NBAS: variants seen among roughly 807,000 people sequenced by gnomAD.
NBAS encodes NAG/BC035112 fusion.
A neutral mutation model predicts 302.5 loss-of-function variants in NBAS; 219 were observed. The observed-to-expected ratio is 0.72, with a 90% CI of 0.65 to 0.81. The LOEUF is 0.81. Among genes scored for constraint, NBAS ranks in the 30% least tolerant of loss-of-function variants. The probability of loss-of-function intolerance (pLI) is 0.00; values close to 1 mark genes in which losing one functional copy is unlikely to be tolerated. For synonymous variants in NBAS, 1,118 were observed against 1,021.6 expected (o/e 1.09, Z -1.80); for missense variants, 2,932 against 2,841.6 (o/e 1.03, Z -0.72).
chr2:15,186,743 T>A lies in NBAS; in HGVS notation c.6710A>T (p.Glu2237Val). Residue 2237 changes from glutamate to valine, a missense_variant and splice_region_variant, in exon 50 of 52, where the codon GAG (glutamate) becomes GTG (valine). Transcript: ENST00000281513. ...LYNTKQMLPA[E>V]GVKELCLLLL... The stretch of plus-strand genomic sequence containing the variant: ...AAAGCACTCAAAATATCCACTCACC[T>A]CTGCAGGCAGCATCTGCTTGGTGTT... 6.2e-7 allele frequency: 1 copy of A among 1,613,804 alleles called. No homozygotes were observed. Among genetic ancestry groups the A allele is most frequent in the Non-Finnish European group, 8.5e-7 (1 of 1,179,922 alleles).
At chr2:14,977,947 G>A in the NBAS span, among the ~76,000 whole-genome samples, 1 of 152,036 alleles carries the variant, frequency 6.6e-6, no homozygotes, top group African/African-American at 2.4e-5. Context: ...TGGTGCAAAT[G>A]TTTTTATGTT....
chr2:15,144,048 A>ATATATATAT, the NBAS span, among the ~76,000 whole-genome samples: 19 of 113,808 alleles, frequency 1.7e-4, no homozygotes, highest in East Asian at 5.0e-3. Flanking sequence ...TATATATAAA[A>ATATATATAT]ATATATATAT....
the NBAS span, among the ~76,000 whole-genome samples, chr2:15,137,135 T>G: frequency 2.0e-5 from 3 of 152,164 alleles, no homozygotes; most frequent in African/African-American, 2.4e-5. Context: ...AAACAGAACC[T>G]CACCAGGTAT....
the NBAS span, among the ~76,000 whole-genome samples, chr2:14,822,506 T>C: frequency 1.3e-5 from 2 of 152,202 alleles, no homozygotes; most frequent in African/African-American, 2.4e-5. Flanking sequence ...ATTTGGCCTA[T>C]GGCTTTTGTA....
intron 38 of NBAS, among the ~76,000 whole-genome samples, chr2:15,320,443 A>G: frequency 6.6e-6 from 1 of 152,214 alleles, no homozygotes; most frequent in East Asian, 1.9e-4. Context: ...AATTAGGAAA[A>G]GAGGAAGTCA....
intron 30 of NBAS, among the ~76,000 whole-genome samples, chr2:15,378,554 A>T (rs1409118254): frequency 6.6e-6 from 1 of 152,212 alleles, no homozygotes; most frequent in African/African-American, 2.4e-5. Context: ...CCTAACAAAC[A>T]TCATAGCTTA....
intron 38 of NBAS, among the ~76,000 whole-genome samples, chr2:15,319,860 T>C (rs773324717): frequency 5.3e-5 from 8 of 151,600 alleles, no homozygotes; most frequent in Non-Finnish European, 7.4e-5. Context: ...TCCCAATCAA[T>C]AGAAAAAGAG....
intron 9 of NBAS, among the ~76,000 whole-genome samples, chr2:15,513,606 G>GT (rs778219715): frequency 0.019 from 2,700 of 142,932 alleles, 36 homozygotes; most frequent in Middle Eastern, 0.037. Flanking sequence ...AATGGCCTGG[G>GT]TTTTTTTTTT....
the NBAS span, among the ~76,000 whole-genome samples, chr2:14,931,269 A>G: frequency 1.2e-4 from 18 of 152,146 alleles, no homozygotes; most frequent in Non-Finnish European, 2.6e-4. Flanking sequence ...TGAATAATTT[A>G]TTGTCCAAGA....
At chr2:15,353,790 T>C in intron 33 of NBAS, 80 bp from the exon 34 acceptor site, 1 of 1,581,870 alleles carries the variant, frequency 6.3e-7, no homozygotes, top group Non-Finnish European at 8.7e-7. Context: ...AATGGCTTCC[T>C]GCTCAGGTCT....
rs753985619 is a variant in NBAS at position 15,167,187 on chromosome 2, T to G, written c.6977A>C (p.Asp2326Ala). ...LLASLQQGRW[D>A]AEELGRHLRE... The stretch of plus-strand genomic sequence containing the variant: ...CAGGTGTCTGCCCAGCTCCTCTGCA[T>G]CCCAGCGCCCTTGCTGGAGGCTAGC... Residue 2326 changes from aspartate (D) to alanine (A), a missense_variant, in exon 52 of 52, where the codon GAT becomes GCT. Coordinates refer to ENST00000281513, the MANE Select transcript of NBAS (RefSeq NM_015909.4). 6.2e-7 allele frequency: 1 copy of G among 1,614,084 alleles called. No homozygotes were observed. The highest frequency in any genetic ancestry group is 1.7e-5 in the Admixed American group (1 of 60,004).
In NBAS at chr2:15,276,961, T is replaced by A. The variant is rs748652333; in HGVS notation, c.5279A>T (p.Gln1760Leu). ...TIGGFDHERLQYYFTLLENCG... is the reference protein window; with the variant it reads ...TIGGFDHERLLYYFTLLENCG... ...GTTTTCCAGAAGAGTGAAATAATAC[T>A]GCAGCCTTTCGTGATCAAAGCCACC... The change falls in exon 43 of 52, where the codon CAG becomes CTG. Residue 1760 changes from glutamine (Q) to leucine (L), a missense_variant. Gln to Leu is a moderately radical substitution (Grantham distance 113). Transcript: ENST00000281513. 1.2e-5 allele frequency: 19 copies of A among 1,613,982 alleles called. No homozygotes were observed. The highest frequency in any genetic ancestry group is 4.0e-5 in the African/African-American group (3 of 74,938).
intron 7 of NBAS, among the ~76,000 whole-genome samples, chr2:15,537,928 ATGGTTCCTCAT>A: frequency 6.6e-6 from 1 of 152,304 alleles, no homozygotes; most frequent in East Asian, 1.9e-4. Context: ...TCACCCCTGA[ATGGTTCCTCAT>A]TGTCTAGAAC....
chr2:14,856,407 C>T, the NBAS span, among the ~76,000 whole-genome samples: 1 of 152,128 alleles, frequency 6.6e-6, no homozygotes, highest in Non-Finnish European at 1.5e-5. Context: ...CATCTATTAG[C>T]ATCCACAACA....
At chr2:15,367,492 C>A (rs556412608) in intron 31 of NBAS, among the ~76,000 whole-genome samples, 24 of 152,120 alleles carry the variant, frequency 1.6e-4, no homozygotes, top group Non-Finnish European at 3.2e-4. Context: ...TGTATATTAA[C>A]CCTACACAGC....
chr2:15,412,678 T>G (rs1011135305), intron 25 of NBAS, among the ~76,000 whole-genome samples: 1 of 152,104 alleles, frequency 6.6e-6, no homozygotes, highest in East Asian at 1.9e-4. Flanking sequence ...TGTAATCAAG[T>G]GATATAAAGC....
At chr2:15,339,251 C>T (rs1164407457) in intron 35 of NBAS, among the ~76,000 whole-genome samples, 2 of 152,086 alleles carry the variant, frequency 1.3e-5, no homozygotes, top group African/African-American at 4.8e-5. Flanking sequence ...CATAATTTGG[C>T]ATGCCTACTA....
At chr2:15,474,046 A>G in intron 15 of NBAS, 21 bp downstream of exon 15, 3 of 1,614,098 alleles carry the variant, frequency 1.9e-6, no homozygotes, top group Middle Eastern at 1.6e-4. Flanking sequence ...AAACTTGGGT[A>G]GTAATATGCT....
At position 15,237,737 on chromosome 2, in the gene NBAS, A is replaced by G. The variant is rs1270060790; in HGVS notation, c.5943+731T>C. On this transcript the variant is annotated intron_variant, in intron 45 of 51. Coordinates refer to ENST00000281513, the MANE Select transcript of NBAS (RefSeq NM_015909.4). ...CAGCCTCCTGAGTAGCTGGGATTAC[A>G]GGTGTTGTGCCACCACACCCGGCTA... is the stretch of plus-strand genomic sequence containing the variant. Among the ~76,000 whole-genome samples the G allele has an allele frequency of 7.7e-4, 115 of 149,102 alleles. 1 individual carries two copies. The highest frequency in any genetic ancestry group is 1.9e-4 in the Non-Finnish European group (13 of 67,474).
Sources: gnomAD v4.1 joint callset for allele counts (sites outside exome capture counted in the v4.1 genomes callset) on GRCh38, gnomAD v4.1.1 for gene constraint, MANE v1.5 for transcripts, NCBI Gene and HGNC (gene_info 2026-07-23, HGNC 2026-07-21) for gene names.